The following EIF4G3 variants were observed in gnomAD, a reference collection of about 807,000 sequenced individuals.
The protein encoded by EIF4G3 is eIF-4-gamma 3.
EIF4G3 carries 34 observed loss-of-function variants against 186.4 expected under a neutral mutation model. The observed-to-expected ratio is 0.18, with a 90% CI of 0.14 to 0.24. The LOEUF (loss-of-function observed/expected upper bound fraction) is 0.24, where lower values mean the gene tolerates loss of function less well. Among genes scored for constraint, EIF4G3 ranks in the 10% least tolerant of loss-of-function variants. EIF4G3 has a pLI of 1.00. For synonymous variants in EIF4G3, 673 were observed against 679.5 expected (o/e 0.99, Z 0.15); for missense variants, 1,536 against 1,948.5 (o/e 0.79, Z 3.99).
At chr1:21,090,508 T>G (rs1027757709) in intron 2 of EIF4G3, among the ~76,000 whole-genome samples, 28 of 152,358 alleles carry the variant, frequency 1.8e-4, no homozygotes, top group African/African-American at 6.0e-4. Context: ...CAAATGTTTA[T>G]GAAACTTCAT....
chr1:20,980,742 T>A (rs1292542029), intron 9 of EIF4G3, among the ~76,000 whole-genome samples: 2 of 152,176 alleles, frequency 1.3e-5, no homozygotes, highest in East Asian at 3.8e-4. Flanking sequence ...TCAATGACAT[T>A]AAAGGATTTC....
At chr1:20,936,366 G>A (rs1277481993) in intron 14 of EIF4G3, among the ~76,000 whole-genome samples, 1 of 152,132 alleles carries the variant, frequency 6.6e-6, no homozygotes, top group Non-Finnish European at 1.5e-5. Flanking sequence ...TTGCTTTAAG[G>A]ATCACTCTGC....
intron 4 of EIF4G3, among the ~76,000 whole-genome samples, chr1:21,016,538 G>A (rs2089121827): frequency 6.6e-6 from 1 of 152,098 alleles, no homozygotes; most frequent in Non-Finnish European, 1.5e-5. Context: ...TAAATAATTA[G>A]TTGGGTGTGG....
intron 14 of EIF4G3, among the ~76,000 whole-genome samples, chr1:20,930,106 T>C (rs2095228970): frequency 1.3e-5 from 2 of 152,210 alleles, no homozygotes; most frequent in South Asian, 4.1e-4. Context: ...AATAATACTT[T>C]ATTGCTAAAA....
At chr1:21,069,202 C>A (rs1044371210) in intron 3 of EIF4G3, among the ~76,000 whole-genome samples, 2 of 152,172 alleles carry the variant, frequency 1.3e-5, no homozygotes, top group African/African-American at 4.8e-5. Context: ...AAACTTGCTG[C>A]CCACCTACAT....
intron 15 of EIF4G3, among the ~76,000 whole-genome samples, chr1:20,903,747 G>A (rs139169137): frequency 8.5e-5 from 13 of 152,284 alleles, no homozygotes; most frequent in African/African-American, 3.1e-4. Context: ...GGTACTGTTA[G>A]ATACCCAAAG....
chr1:21,169,274 A>C (rs928650422), intron 2 of EIF4G3, among the ~76,000 whole-genome samples: 1 of 152,040 alleles, frequency 6.6e-6, no homozygotes, highest in African/African-American at 2.4e-5. Context: ...AACATGGTGA[A>C]ACCCCACCTC....
At chr1:20,995,803 C>A (rs1223280649) in intron 7 of EIF4G3, among the ~76,000 whole-genome samples, 3 of 152,142 alleles carry the variant, frequency 2.0e-5, no homozygotes, top group Non-Finnish European at 4.4e-5. Context: ...CTTAGGCTAG[C>A]TTATCTGAAA....
At chr1:20,868,539 G>A (rs959813384) in intron 20 of EIF4G3, among the ~76,000 whole-genome samples, 1 of 152,016 alleles carries the variant, frequency 6.6e-6, no homozygotes, top group Non-Finnish European at 1.5e-5. Context: ...ATTATAGTAA[G>A]AGTCAGGGCT....
chr1:21,135,217 A>G (rs2097217459), intron 2 of EIF4G3, among the ~76,000 whole-genome samples: 1 of 152,194 alleles, frequency 6.6e-6, no homozygotes, highest in Non-Finnish European at 1.5e-5. Context: ...TAAACAGGGT[A>G]GGCCAGGCAT....
intron 2 of EIF4G3, among the ~76,000 whole-genome samples, chr1:21,107,233 G>A (rs922387445): frequency 6.6e-6 from 1 of 152,144 alleles, no homozygotes; most frequent in African/African-American, 2.4e-5. Context: ...CTGGAATGCA[G>A]TGGCACCATC....
At chr1:21,115,447 A>G (rs2096799865) in intron 2 of EIF4G3, among the ~76,000 whole-genome samples, 1 of 152,230 alleles carries the variant, frequency 6.6e-6, no homozygotes, top group Non-Finnish European at 1.5e-5. Context: ...TTATAAAGAG[A>G]CATGAAGTGA....
intron 3 of EIF4G3, among the ~76,000 whole-genome samples, chr1:21,056,530 A>C (rs925319677): frequency 2.0e-5 from 3 of 152,216 alleles, no homozygotes; most frequent in Non-Finnish European, 4.4e-5. Context: ...TCCCAAAGAA[A>C]TGGCACAAAG....
At chr1:21,052,737 C>T (rs2094306755) in intron 3 of EIF4G3, among the ~76,000 whole-genome samples, 1 of 152,208 alleles carries the variant, frequency 6.6e-6, no homozygotes, top group Non-Finnish European at 1.5e-5. Context: ...CGCGCCGCCA[C>T]GCCTGACTGG....
At chr1:20,983,427 C>T (rs764335463) in intron 7 of EIF4G3, among the ~76,000 whole-genome samples, 6 of 152,142 alleles carry the variant, frequency 3.9e-5, no homozygotes, top group Non-Finnish European at 5.9e-5. Flanking sequence ...TTTTTGTTGG[C>T]TGCTAAAAGG....
At chr1:20,954,344 T>A (rs1462886974) in intron 12 of EIF4G3, among the ~76,000 whole-genome samples, 1 of 151,872 alleles carries the variant, frequency 6.6e-6, no homozygotes, top group East Asian at 1.9e-4. Flanking sequence ...AAGACCAGCC[T>A]GGCCAAGATG....
chr1:21,111,745 T>C (rs2096731327), intron 2 of EIF4G3: 2 of 159,420 alleles, frequency 1.3e-5, no homozygotes, highest in South Asian at 3.4e-4. Flanking sequence ...TTTTGCTACT[T>C]TGCATGGTGA....
intron 28 of EIF4G3, among the ~76,000 whole-genome samples, chr1:20,851,005 T>A (rs931432434): frequency 2.0e-5 from 3 of 152,160 alleles, no homozygotes; most frequent in Non-Finnish European, 4.4e-5. Context: ...TCAGATTGCT[T>A]AAAATACAGC....
At chr1:20,893,174 C>T (rs907464428) in intron 18 of EIF4G3, 12 of 192,876 alleles carry the variant, frequency 6.2e-5, no homozygotes, top group Non-Finnish European at 1.0e-4. Context: ...TCAAGTGATC[C>T]TCCTGCCTTG....
Sources: gnomAD v4.1 joint callset for allele counts (sites outside exome capture counted in the v4.1 genomes callset) on GRCh38, gnomAD v4.1.1 for gene constraint, MANE v1.5 for transcripts, NCBI Gene and HGNC (gene_info 2026-07-23, HGNC 2026-07-21) for gene names.